CDK6: variants seen among roughly 807,000 people sequenced by gnomAD.
CDK6 encodes the protein cyclin dependent kinase 6, also known as cyclin-dependent kinase 6.
CDK6 carries 6 observed loss-of-function variants against 37.1 expected under a neutral mutation model. The ratio of observed to expected loss-of-function variants is 0.16; its 90% CI spans 0.09 to 0.32. The LOEUF (loss-of-function observed/expected upper bound fraction) is 0.32. Ranked by LOEUF, CDK6 falls within the 10% of genes least tolerant of loss-of-function variation. The pLI, the probability that CDK6 is intolerant of heterozygous loss-of-function variation, is 1.00. For missense variants in CDK6, 224 were observed against 418.9 expected (o/e 0.53, Z 4.06); for synonymous variants, 160 against 161.3 (o/e 0.99, Z 0.06).
chr7:92,745,336 G>A (rs1359368041), intron 3 of CDK6, among the ~76,000 whole-genome samples: 1 of 152,190 alleles, frequency 6.6e-6, no homozygotes, highest in East Asian at 1.9e-4. Context: ...ACTCAGAGTT[G>A]TTAGATGTCT....
At chr7:92,688,935 C>T (rs905335918) in intron 4 of CDK6, among the ~76,000 whole-genome samples, 9 of 152,146 alleles carry the variant, frequency 5.9e-5, no homozygotes, top group African/African-American at 1.9e-4. Flanking sequence ...AAATGGGGAA[C>T]CACAGCAACT....
intron 3 of CDK6, among the ~76,000 whole-genome samples, chr7:92,758,625 T>C (rs1490545894): frequency 1.3e-5 from 2 of 152,224 alleles, no homozygotes; most frequent in Non-Finnish European, 2.9e-5. Flanking sequence ...GGCTCTGTTT[T>C]GATTCCATAT....
chr7:92,664,695 T>C (rs563665276), intron 5 of CDK6, among the ~76,000 whole-genome samples: 20 of 152,356 alleles, frequency 1.3e-4, no homozygotes, highest in African/African-American at 2.9e-4. Context: ...TAGCTATGGA[T>C]TGGCAGAGCT....
In CDK6 at chr7:92,608,087, A is replaced by C. The variant is rs1373935302; in HGVS notation, c.*7053T>G. 4.3e-6 allele frequency: 1 copy of C among 233,080 alleles called. No individual in the cohort carries two copies. The highest frequency in any genetic ancestry group is 2.2e-5 in the African/African-American group (1 of 45,326). 14.4% of individuals were successfully genotyped at this position (233,080 alleles called of 1,614,324 possible). On this transcript the variant is annotated 3_prime_UTR_variant, in exon 8 of 8. Transcript: ENST00000424848. The stretch of plus-strand genomic sequence containing the variant: ...CGGGTATCTTCAGAACTTTAACCTA[A>C]GCACATCAACGGAATTTTTCTAGGG...
intron 4 of CDK6, among the ~76,000 whole-genome samples, chr7:92,718,159 T>C (rs1242200144): frequency 6.6e-6 from 1 of 152,112 alleles, no homozygotes; most frequent in Non-Finnish European, 1.5e-5. Context: ...AACCCTCCAT[T>C]GTTAACTATG....
intron 4 of CDK6, among the ~76,000 whole-genome samples, chr7:92,709,649 A>G (rs1404342786): frequency 6.6e-6 from 1 of 152,240 alleles, no homozygotes; most frequent in Admixed American, 6.5e-5. Context: ...CATACTATTT[A>G]TGTAATATAA....
chr7:92,820,325 G>A (rs1337727639), intron 2 of CDK6, among the ~76,000 whole-genome samples: 1 of 152,106 alleles, frequency 6.6e-6, no homozygotes, highest in Non-Finnish European at 1.5e-5. Flanking sequence ...AACCTGGAGA[G>A]AAGGAAACAT....
chr7:92,823,216 C>T (rs574330213), intron 2 of CDK6, among the ~76,000 whole-genome samples: 126 of 151,584 alleles, frequency 8.3e-4, no homozygotes, highest in African/African-American at 2.9e-3. Context: ...CACATTCATA[C>T]AGCTCTCCTT....
intron 4 of CDK6, among the ~76,000 whole-genome samples, chr7:92,679,401 C>T (rs1296022367): frequency 6.6e-6 from 1 of 152,096 alleles, no homozygotes; most frequent in Non-Finnish European, 1.5e-5. Context: ...CTTTGCTGTC[C>T]TTTGGTTTAG....
At chr7:92,677,988 T>C (rs1314279934) in intron 4 of CDK6, among the ~76,000 whole-genome samples, 1 of 152,242 alleles carries the variant, frequency 6.6e-6, no homozygotes, top group Non-Finnish European at 1.5e-5. Flanking sequence ...GGAAGACTGC[T>C]GAACTTAAAA....
At chr7:92,742,742 TAC>T (rs57808535) in intron 3 of CDK6, among the ~76,000 whole-genome samples, 6,644 of 150,500 alleles carry the variant, frequency 0.044, 160 homozygotes, top group Non-Finnish European at 0.053. Flanking sequence ...CATATATATA[TAC>T]ACACACACAC....
At chr7:92,756,050 TATA>T (rs1199059317) in intron 3 of CDK6, among the ~76,000 whole-genome samples, 2 of 151,770 alleles carry the variant, frequency 1.3e-5, no homozygotes, top group Non-Finnish European at 2.9e-5. Context: ...CTCCCTTTAA[TATA>T]ATAAGGGATC....
intron 2 of CDK6, among the ~76,000 whole-genome samples, chr7:92,806,983 A>AT (rs769176267): frequency 2.0e-4 from 31 of 152,204 alleles, no homozygotes; most frequent in Non-Finnish European, 4.1e-4. Flanking sequence ...GAGGTCAACA[A>AT]TTTAAGATAA....
At chr7:92,747,528 C>T (rs1294857674) in intron 3 of CDK6, among the ~76,000 whole-genome samples, 2 of 152,176 alleles carry the variant, frequency 1.3e-5, no homozygotes, top group African/African-American at 2.4e-5. Flanking sequence ...GGTGTCTTTC[C>T]CCAAGTGGAA....
At chr7:92,685,707 A>T (rs1014380385) in intron 4 of CDK6, among the ~76,000 whole-genome samples, 65 of 152,240 alleles carry the variant, frequency 4.3e-4, no homozygotes, top group Non-Finnish European at 2.2e-4. Context: ...GTAAATCAGG[A>T]GAGACAGAGA....
chr7:92,828,304 T>C (rs1215086793), intron 2 of CDK6, among the ~76,000 whole-genome samples: 1 of 152,210 alleles, frequency 6.6e-6, no homozygotes, highest in East Asian at 1.9e-4. Context: ...CATTCATTCC[T>C]GGCAAACTGT....
rs530009857 is a variant in CDK6 at position 92,828,648 on chromosome 7, C to G, written c.233+4443G>C. Among the ~76,000 whole-genome samples, 10 of 152,232 alleles carry G rather than the reference C, an allele frequency of 6.6e-5. 1 individual carries two copies. In the South Asian group the frequency reaches 1.9e-3, roughly 28 times the overall value. ...TGCATAGATATTCATTTACCCATGT[C>G]TTAAACATAGGAAAATATCCTCAAA... On this transcript the variant is annotated intron_variant, in intron 2 of 7. Transcript: ENST00000424848.
At chr7:92,832,458 T>G (rs2116027827) in intron 2 of CDK6, among the ~76,000 whole-genome samples, 1 of 152,284 alleles carries the variant, frequency 6.6e-6, no homozygotes, top group East Asian at 1.9e-4. Context: ...GATAACAGTT[T>G]TGGAAGAAAT....
In CDK6 at chr7:92,607,188, C is replaced by T; in HGVS notation, c.*7952G>A. 1 of 233,548 alleles carries T rather than the reference C, an allele frequency of 4.3e-6. No homozygotes were observed. Among genetic ancestry groups the T allele is most frequent in the Non-Finnish European group, 8.5e-6 (1 of 117,990 alleles). 14.5% of individuals were successfully genotyped at this position (233,548 alleles called of 1,614,324 possible). On this transcript the variant is annotated 3_prime_UTR_variant, in exon 8 of 8. Coordinates refer to ENST00000424848, the MANE Select transcript of CDK6 (RefSeq NM_001145306.2). ...CACTGCTCTCCTCTCAACAGTACTG[C>T]CTGTTCCCACTACTCCACATGACAC...
Sources: gnomAD v4.1 joint callset for allele counts (sites outside exome capture counted in the v4.1 genomes callset) on GRCh38, gnomAD v4.1.1 for gene constraint, MANE v1.5 for transcripts, NCBI Gene and HGNC (gene_info 2026-07-23, HGNC 2026-07-21) for gene names.